Variants in GPC6 observed in about 807,000 individuals in gnomAD.
GPC6 encodes the protein glypican-6.
GPC6 carries 14 observed loss-of-function variants against 55.2 expected under a neutral mutation model. The observed-to-expected ratio is 0.25, with a 90% CI of 0.17 to 0.40. The LOEUF (loss-of-function observed/expected upper bound fraction) is 0.40, where lower values mean the gene tolerates loss of function less well. Ranked by LOEUF, GPC6 falls within the 10% of genes least tolerant of loss-of-function variation. GPC6 has a pLI of 1.00. For missense variants in GPC6, 641 were observed against 708.5 expected, an observed-to-expected ratio of 0.90 and a Z score of 1.08; for synonymous variants, 278 against 259.6, an observed-to-expected ratio of 1.07 and a Z score of -0.68.
intron 3 of GPC6, among the ~76,000 whole-genome samples, chr13:93,859,104 C>T (rs918729762): frequency 9.9e-5 from 15 of 151,420 alleles, no homozygotes; most frequent in African/African-American, 3.4e-4. Context: ...TTAATAGAAG[C>T]AGTAACATTA....
chr13:94,056,607 G>T (rs768054981), intron 4 of GPC6, among the ~76,000 whole-genome samples: 178 of 152,166 alleles, frequency 1.2e-3, no homozygotes, highest in Non-Finnish European at 2.1e-3. Flanking sequence ...TGGAAGATGA[G>T]CGTCAGATTT....
chr13:93,811,798 A>G (rs889874771), intron 2 of GPC6, among the ~76,000 whole-genome samples: 23 of 152,180 alleles, frequency 1.5e-4, no homozygotes, highest in Admixed American at 1.2e-3. Flanking sequence ...AATATGTGTA[A>G]GGAAACAAAA....
intron 1 of GPC6, among the ~76,000 whole-genome samples, chr13:93,323,936 C>A (rs187396474): frequency 5.3e-4 from 81 of 152,238 alleles, no homozygotes; most frequent in African/African-American, 1.8e-3. Context: ...AGTCCCACTG[C>A]TGGGTATATA....
chr13:93,480,043 A>G (rs1410530297), intron 1 of GPC6, among the ~76,000 whole-genome samples: 2 of 152,236 alleles, frequency 1.3e-5, no homozygotes, highest in Non-Finnish European at 2.9e-5. Context: ...GTGAATGTCA[A>G]ATCATACATG....
intron 3 of GPC6, among the ~76,000 whole-genome samples, chr13:93,904,819 A>G (rs985582140): frequency 1.3e-5 from 2 of 152,116 alleles, no homozygotes; most frequent in African/African-American, 4.8e-5. Flanking sequence ...GTACGTGTGC[A>G]CAATGTGCAG....
At chr13:93,918,102 A>G (rs1268534913) in intron 3 of GPC6, among the ~76,000 whole-genome samples, 1 of 152,126 alleles carries the variant, frequency 6.6e-6, no homozygotes, top group East Asian at 1.9e-4. Context: ...GTCAAAAAAA[A>G]AAAAAAATCA....
chr13:94,010,265 TAATTG>T (rs1882192962), intron 3 of GPC6, among the ~76,000 whole-genome samples: 2 of 152,212 alleles, frequency 1.3e-5, no homozygotes, highest in Non-Finnish European at 2.9e-5. Context: ...AAGATTAATT[TAATTG>T]TTCTTCCTAA....
At chr13:93,392,745 C>A (rs2139219750) in intron 1 of GPC6, among the ~76,000 whole-genome samples, 1 of 152,246 alleles carries the variant, frequency 6.6e-6, no homozygotes, top group Non-Finnish European at 1.5e-5. Context: ...GAAAATGGCA[C>A]TTTTTCACTA....
At chr13:93,759,383 T>C (rs185920335) in intron 2 of GPC6, among the ~76,000 whole-genome samples, 254 of 152,316 alleles carry the variant, frequency 1.7e-3, no homozygotes, top group African/African-American at 5.9e-3. Flanking sequence ...TATGTCAGCA[T>C]TGAAGGATAC....
At chr13:94,368,530 G>A (rs1879388217) in intron 6 of GPC6, among the ~76,000 whole-genome samples, 1 of 152,056 alleles carries the variant, frequency 6.6e-6, no homozygotes, top group African/African-American at 2.4e-5. Context: ...CATAAACACA[G>A]AATAAAGGGA....
intron 3 of GPC6, among the ~76,000 whole-genome samples, chr13:94,019,562 A>G (rs1479239373): frequency 1.3e-5 from 2 of 151,954 alleles, no homozygotes; most frequent in South Asian, 2.1e-4. Context: ...TTGCTTATCA[A>G]TGCATTGCTC....
At chr13:94,004,748 A>C (rs7321511) in intron 3 of GPC6, among the ~76,000 whole-genome samples, 151,282 of 152,244 alleles carry the variant, frequency 0.99, 75,169 homozygotes, top group Middle Eastern at 1. Flanking sequence ...TGCATGATGA[A>C]CTATAGCTCT....
chr13:93,731,042 C>CAGTT (rs1175614119), intron 2 of GPC6, among the ~76,000 whole-genome samples: 5 of 152,108 alleles, frequency 3.3e-5, no homozygotes, highest in Admixed American at 6.5e-5. Flanking sequence ...TTAGATTGTG[C>CAGTT]AGTTGCTCTG....
At chr13:93,406,590 A>G (rs982602098) in intron 1 of GPC6, among the ~76,000 whole-genome samples, 2 of 152,228 alleles carry the variant, frequency 1.3e-5, no homozygotes, top group Non-Finnish European at 2.9e-5. Context: ...GTAGACTAAC[A>G]TAAACCACTG....
the GPC6 span, among the ~76,000 whole-genome samples, chr13:93,218,775 C>T: frequency 6.6e-6 from 1 of 152,310 alleles, no homozygotes; most frequent in Admixed American, 6.5e-5. Context: ...CTTATTCATA[C>T]TGATGACTAA....
At chr13:93,217,605 CTTGCAAA>C in the GPC6 span, among the ~76,000 whole-genome samples, 1 of 152,104 alleles carries the variant, frequency 6.6e-6, no homozygotes, top group Non-Finnish European at 1.5e-5. Flanking sequence ...TATTTTTGAA[CTTGCAAA>C]AGCAACATAT....
intron 2 of GPC6, among the ~76,000 whole-genome samples, chr13:93,623,435 G>GTTTTT (rs1566454842): frequency 1.1e-5 from 1 of 89,554 alleles, no homozygotes; most frequent in Non-Finnish European, 2.6e-5. Context: ...GACAATGGTT[G>GTTTTT]TTTTCTTTTC....
chr13:94,247,111 C>A (rs533981990), intron 4 of GPC6, among the ~76,000 whole-genome samples: 32 of 151,864 alleles, frequency 2.1e-4, no homozygotes, highest in Non-Finnish European at 4.0e-4. Flanking sequence ...TTTTATGCTG[C>A]CATAAATGGG....
At chr13:93,326,970 T>C (rs984471063) in intron 1 of GPC6, among the ~76,000 whole-genome samples, 2 of 152,208 alleles carry the variant, frequency 1.3e-5, no homozygotes, top group Non-Finnish European at 2.9e-5. Flanking sequence ...TGTTATTGGT[T>C]TTCACTGGTT....
Sources: gnomAD v4.1 joint callset for allele counts (sites outside exome capture counted in the v4.1 genomes callset) on GRCh38, gnomAD v4.1.1 for gene constraint, MANE v1.5 for transcripts, NCBI Gene and HGNC (gene_info 2026-07-23, HGNC 2026-07-21) for gene names.